XPO4: variants seen among roughly 807,000 people sequenced by gnomAD.
The protein encoded by XPO4 is exportin-4.
Under a neutral mutation model 143.0 loss-of-function variants are expected in XPO4, and 39 were observed. The ratio of observed to expected loss-of-function variants is 0.27; its 90% CI spans 0.21 to 0.36. XPO4 has a LOEUF of 0.36. Among genes scored for constraint, XPO4 ranks in the 10% least tolerant of loss-of-function variants. XPO4 has a pLI of 1.00. For synonymous variants in XPO4, 439 were observed against 474.0 expected (o/e 0.93, Z 0.96); for missense variants, 907 against 1,348.0 (o/e 0.67, Z 5.12).
chr13:20,857,654 G>A (rs2060157439), intron 3 of XPO4, among the ~76,000 whole-genome samples: 1 of 152,140 alleles, frequency 6.6e-6, no homozygotes, highest in Non-Finnish European at 1.5e-5. Flanking sequence ...ATGAACCCGG[G>A]AGGCGGAGCT....
intron 9 of XPO4, among the ~76,000 whole-genome samples, chr13:20,819,328 A>C (rs982454315): frequency 1.3e-5 from 2 of 152,120 alleles, no homozygotes; most frequent in Non-Finnish European, 2.9e-5. Context: ...TCCCAAACTC[A>C]TATCTTTAAT....
At chr13:20,888,718 C>T (rs9509418) in intron 1 of XPO4, among the ~76,000 whole-genome samples, 55,455 of 151,750 alleles carry the variant, frequency 0.37, 11,586 homozygotes, top group Non-Finnish European at 0.48. Context: ...TTTCATTTCC[C>T]AATCATAATG....
At position 20,799,324 on chromosome 13, in the gene XPO4, A is replaced by T. The variant is rs749336769; in HGVS notation, c.2163T>A (p.Ile721=). 1 of 1,613,424 alleles carries T rather than the reference A, an allele frequency of 6.2e-7. No homozygotes were observed. The highest frequency in any genetic ancestry group is 1.7e-5 in the Admixed American group (1 of 59,968). Reference sequence around the variant, plus strand: ...CTAAATTCCACCAGTTCTCACATTGAATTACTAAGTTTGCCCTACAGGTAG... The same window carrying T: ...CTAAATTCCACCAGTTCTCACATTGTATTACTAAGTTTGCCCTACAGGTAG... The part of the protein sequence containing the change: ...VERRERANLV[I]QCENWWNLAK... The change falls in exon 16 of 23, where the codon ATT becomes ATA. Residue 721 remains isoleucine, a synonymous_variant. Transcript: ENST00000255305.
chr13:20,781,262 C>T lies in XPO4; in HGVS notation c.*2460G>A, dbSNP rs1441925337. 1 of 152,356 alleles carries T rather than the reference C, an allele frequency of 6.6e-6. No homozygotes were observed. The allele number at this position is 152,356 out of a possible 1,614,324, so 9.4% of individuals were successfully genotyped here. A position where few individuals can be genotyped will look rare whatever the true frequency, so the allele number is the denominator to read the frequency against. ...AAACAAGACCGGAGAAGTTAATAAA[C>T]ACAGCTAAAGACAAAATTGGACAAA... On this transcript the variant is annotated 3_prime_UTR_variant, in exon 23 of 23. Transcript: ENST00000255305.
rs2059114991 is a variant in XPO4, at chr13:20,779,371, T to C, written c.*4351A>G. On this transcript the variant is annotated 3_prime_UTR_variant, in exon 23 of 23. Coordinates refer to ENST00000255305, the MANE Select transcript of XPO4 (RefSeq NM_022459.5). ...TGAGGTCAGATCCCTAGTAGGTACA[T>C]AGTGCAGATGCAGTATATAATTTCA... 6.6e-6 allele frequency: 1 copy of C among 152,588 alleles called. No individual in the cohort carries two copies. Among genetic ancestry groups the C allele is most frequent in the Non-Finnish European group, 1.5e-5 (1 of 68,012 alleles). The allele number at this position is 152,588 out of a possible 1,614,324, so 9.5% of individuals were successfully genotyped here.
At chr13:20,856,944 C>T in intron 3 of XPO4, 9 of 975,102 alleles carry the variant, frequency 9.2e-6, no homozygotes, top group African/African-American at 1.7e-5. Flanking sequence ...CCAGATCAGC[C>T]ACCCACTCTA....
chr13:20,826,178 C>A (rs2059782372), intron 7 of XPO4, among the ~76,000 whole-genome samples: 1 of 152,094 alleles, frequency 6.6e-6, no homozygotes, highest in African/African-American at 2.4e-5. Context: ...GTTTTTCCAG[C>A]TTTTGACCGT....
rs1388359876 is a variant in XPO4 at position 20,821,735 on chromosome 13, G to T, written c.1142C>A (p.Ser381Tyr). The T allele has an allele frequency of 1.2e-6, 2 of 1,613,562 alleles. No homozygotes were observed. Among genetic ancestry groups the T allele is most frequent in the Non-Finnish European group, 1.7e-6 (2 of 1,179,694 alleles). ...FVNCLTHLTC[S>Y]FGRSAALEEV... ...TTCCAATGCAGCACTTCGCCCAAAA[G>T]AACAAGTGAGGTGTGTGAGGCAGTT... Residue 381 changes from serine (S) to tyrosine (Y), a missense_variant, in exon 9 of 23, where the codon TCT (serine) becomes TAT (tyrosine). Ser to Tyr is a moderately radical substitution (Grantham distance 144). Coordinates refer to ENST00000255305, the MANE Select transcript of XPO4 (RefSeq NM_022459.5).
intron 1 of XPO4, among the ~76,000 whole-genome samples, chr13:20,876,952 C>T (rs2060359224): frequency 6.6e-6 from 1 of 152,168 alleles, no homozygotes; most frequent in African/African-American, 2.4e-5. Flanking sequence ...TTTGTCCATG[C>T]CCACATCCTG....
At chr13:20,817,425 C>A (rs949679842) in intron 9 of XPO4, among the ~76,000 whole-genome samples, 7 of 152,182 alleles carry the variant, frequency 4.6e-5, no homozygotes, top group African/African-American at 1.7e-4. Flanking sequence ...TTATCAAGTA[C>A]CTTTTTCTTT....
intron 4 of XPO4, among the ~76,000 whole-genome samples, chr13:20,846,623 A>G (rs2060031656): frequency 6.6e-6 from 1 of 152,188 alleles, no homozygotes; most frequent in South Asian, 2.1e-4. Context: ...TCGTTTTTAA[A>G]TAATTTTTTC....
intron 16 of XPO4, among the ~76,000 whole-genome samples, chr13:20,798,293 G>A (rs900953470): frequency 5.3e-5 from 8 of 152,184 alleles, no homozygotes; most frequent in African/African-American, 1.7e-4. Context: ...GATGAAGGCA[G>A]GGATCAGGGT....
At chr13:20,876,925 C>T (rs933737687) in intron 1 of XPO4, among the ~76,000 whole-genome samples, 3 of 152,274 alleles carry the variant, frequency 2.0e-5, no homozygotes, top group Admixed American at 2.0e-4. Context: ...CTGGGGTGGC[C>T]AGCTTTTATT....
At chr13:20,862,963 G>A in intron 2 of XPO4, 105 bp from the exon 3 acceptor site, 1 of 1,530,162 alleles carries the variant, frequency 6.5e-7, no homozygotes, top group Non-Finnish European at 8.7e-7. Context: ...GGAATAAGAT[G>A]GTTACCTGTT....
At chr13:20,844,583 T>C (rs1302992250) in intron 4 of XPO4, among the ~76,000 whole-genome samples, 1 of 152,196 alleles carries the variant, frequency 6.6e-6, no homozygotes, top group Non-Finnish European at 1.5e-5. Context: ...ACACTACCTC[T>C]GAACAACCGA....
At chr13:20,817,199 A>G (rs917048142) in intron 9 of XPO4, among the ~76,000 whole-genome samples, 1 of 152,222 alleles carries the variant, frequency 6.6e-6, no homozygotes, top group African/African-American at 2.4e-5. Flanking sequence ...TCACTGAGAT[A>G]TCCCAAAATT....
intron 16 of XPO4, among the ~76,000 whole-genome samples, chr13:20,798,826 C>A (rs1378592499): frequency 1.3e-5 from 2 of 151,964 alleles, no homozygotes; most frequent in Non-Finnish European, 2.9e-5. Context: ...TCGAGACCAG[C>A]CTGGCCAACA....
chr13:20,887,893 G>T (rs1478071750), intron 1 of XPO4, among the ~76,000 whole-genome samples: 1 of 150,434 alleles, frequency 6.6e-6, no homozygotes, highest in Non-Finnish European at 1.5e-5. Context: ...AAAAGAGGTC[G>T]GGCTCAGTGG....
At chr13:20,897,232 T>G (rs2060578420) in intron 1 of XPO4, among the ~76,000 whole-genome samples, 1 of 152,142 alleles carries the variant, frequency 6.6e-6, no homozygotes, top group Admixed American at 6.6e-5. Flanking sequence ...ACGTGTACTG[T>G]GGTTACAAAA....
Sources: allele counts gnomAD v4.1 joint callset (sites outside exome capture counted in the v4.1 genomes callset), GRCh38; gene constraint gnomAD v4.1.1; transcripts MANE v1.5; gene names NCBI Gene and HGNC (gene_info 2026-07-23, HGNC 2026-07-21).